Variants in ULK4 observed in about 807,000 individuals in gnomAD.
ULK4 encodes inactive serine/threonine-protein kinase ULK4.
Under a neutral mutation model 160.6 loss-of-function variants are expected in ULK4, and 133 were observed. The ratio of observed to expected loss-of-function variants is 0.83; its 90% confidence interval spans 0.72 to 0.96. The LOEUF (loss-of-function observed/expected upper bound fraction) is 0.96, where lower values mean the gene tolerates loss of function less well. Ranked by LOEUF, ULK4 falls within the 40% of genes least tolerant of loss-of-function variation. The pLI is 0.00. For missense variants in ULK4, 1,580 were observed against 1,499.5 expected (o/e 1.05, Z -0.89); for synonymous variants, 534 against 539.8 (o/e 0.99, Z 0.15).
At position 41,849,891 on chromosome 3, in the gene ULK4, A is replaced by C. The variant is rs541982416; in HGVS notation, c.1657-13920T>G. Among the ~76,000 whole-genome samples, 150 of 152,164 alleles carry C rather than the reference A, an allele frequency of 9.9e-4. 1 individual carries two copies. The highest frequency in any genetic ancestry group is 3.4e-3 in the African/African-American group (143 of 41,502). On this transcript the variant is annotated intron_variant, in intron 17 of 36. Coordinates refer to ENST00000301831, the MANE Select transcript of ULK4 (RefSeq NM_017886.4). Reference sequence around the variant, plus strand: ...GGTTTGTTACATATGTATACATGTGACATGTTGGTATGCTGCACCCATTAA... The same window carrying C: ...GGTTTGTTACATATGTATACATGTGCCATGTTGGTATGCTGCACCCATTAA...
chr3:41,936,553 T>C (rs1699780895), intron 3 of ULK4, among the ~76,000 whole-genome samples: 1 of 152,140 alleles, frequency 6.6e-6, no homozygotes, highest in African/African-American at 2.4e-5. Context: ...AAAGAAAATA[T>C]GATACATATA....
intron 35 of ULK4, among the ~76,000 whole-genome samples, chr3:41,261,074 G>A (rs898003526): frequency 1.3e-5 from 2 of 152,148 alleles, no homozygotes; most frequent in African/African-American, 2.4e-5. Context: ...GACAAACCGG[G>A]TAGGAGAGGG....
chr3:41,658,441 C>T (rs1286732194), intron 30 of ULK4, among the ~76,000 whole-genome samples: 2 of 152,158 alleles, frequency 1.3e-5, no homozygotes, highest in African/African-American at 4.8e-5. Context: ...TTTTGATAAG[C>T]AATTCCACGT....
chr3:41,763,764 AT>A (rs1477937547), intron 21 of ULK4, among the ~76,000 whole-genome samples: 2 of 152,238 alleles, frequency 1.3e-5, no homozygotes, highest in African/African-American at 4.8e-5. Flanking sequence ...ACCTAGCTTT[AT>A]TAGAGACTGT....
chr3:41,280,888 A>C (rs1025959875), intron 35 of ULK4, among the ~76,000 whole-genome samples: 5 of 152,212 alleles, frequency 3.3e-5, no homozygotes, highest in Admixed American at 3.3e-4. Context: ...TTTTGAAAAG[A>C]GCAACAAAAT....
At chr3:41,335,224 AGCTTAATTTAAATTAG>A (rs1442829396) in intron 35 of ULK4, among the ~76,000 whole-genome samples, 1 of 152,246 alleles carries the variant, frequency 6.6e-6, no homozygotes, top group Admixed American at 6.5e-5. Flanking sequence ...GTTTTAAATT[AGCTTAATTTAAATTAG>A]GCACTGAGCA....
intron 32 of ULK4, among the ~76,000 whole-genome samples, chr3:41,486,742 G>C (rs185174798): frequency 6.8e-4 from 103 of 152,218 alleles, no homozygotes; most frequent in African/African-American, 2.4e-3. Context: ...CAGAGGTTGT[G>C]GTTTGGCCTT....
At chr3:41,558,103 A>T (rs2087372189) in intron 32 of ULK4, among the ~76,000 whole-genome samples, 1 of 152,266 alleles carries the variant, frequency 6.6e-6, no homozygotes, top group Non-Finnish European at 1.5e-5. Context: ...AACAATTCCA[A>T]TTCCAGGAAT....
chr3:41,347,709 T>C (rs1304900698), intron 35 of ULK4, among the ~76,000 whole-genome samples: 3 of 152,140 alleles, frequency 2.0e-5, no homozygotes, highest in African/African-American at 7.2e-5. Flanking sequence ...CTCGCCATAG[T>C]GTCTCCAGAC....
At chr3:41,603,183 T>C (rs934250408) in intron 31 of ULK4, among the ~76,000 whole-genome samples, 1 of 151,830 alleles carries the variant, frequency 6.6e-6, no homozygotes, top group South Asian at 2.1e-4. Context: ...TATACTGATA[T>C]CAGAAAAAAT....
intron 3 of ULK4, among the ~76,000 whole-genome samples, chr3:41,936,640 T>A (rs1327621266): frequency 1.3e-5 from 2 of 152,208 alleles, no homozygotes; most frequent in Non-Finnish European, 2.9e-5. Context: ...GAGGTCATTA[T>A]GTTAAGTGAA....
chr3:41,526,066 C>T (rs1274206560), intron 32 of ULK4, among the ~76,000 whole-genome samples: 1 of 152,166 alleles, frequency 6.6e-6, no homozygotes, highest in African/African-American at 2.4e-5. Flanking sequence ...CCTAAGCTCC[C>T]CAGTTTGCTC....
Position 41,757,099 on chromosome 3 carries a change from T to A in ULK4, c.2194-2611A>T, listed in dbSNP as rs567584332. Among the ~76,000 whole-genome samples, 8 of 152,202 alleles carry A rather than the reference T, an allele frequency of 5.3e-5. No homozygotes were observed. In the South Asian group the frequency reaches 1.7e-3, roughly 32 times the overall value. ...GCACATTTTTTTAATAAAGGGTGAT[T>A]TTCTTGATATATAAATATCAATAAC... On this transcript the variant is annotated intron_variant, in intron 21 of 36. Transcript: ENST00000301831.
intron 1 of ULK4, among the ~76,000 whole-genome samples, chr3:41,961,566 C>T (rs1249480556): frequency 1.7e-5 from 2 of 120,228 alleles, no homozygotes; most frequent in African/African-American, 3.6e-5. Flanking sequence ...CCCCCCCCCC[C>T]CCCCGCTCCC....
intron 34 of ULK4, among the ~76,000 whole-genome samples, chr3:41,403,244 T>A (rs2082221791): frequency 6.6e-6 from 1 of 152,014 alleles, no homozygotes; most frequent in South Asian, 2.1e-4. Context: ...GGGCCCAGAG[T>A]TTGCTTTTTA....
chr3:41,290,274 G>A (rs767392290), intron 35 of ULK4, among the ~76,000 whole-genome samples: 9 of 152,120 alleles, frequency 5.9e-5, no homozygotes, highest in South Asian at 2.1e-4. Context: ...CTAAGTTTAC[G>A]GAAAGTTTGC....
At chr3:41,600,922 T>A (rs1289603763) in intron 31 of ULK4, among the ~76,000 whole-genome samples, 1 of 152,158 alleles carries the variant, frequency 6.6e-6, no homozygotes, top group African/African-American at 2.4e-5. Context: ...TAGCTCTAGT[T>A]GAGAAGACAA....
intron 32 of ULK4, among the ~76,000 whole-genome samples, chr3:41,496,537 G>C (rs1302679373): frequency 1.3e-5 from 2 of 152,006 alleles, no homozygotes; most frequent in Non-Finnish European, 2.9e-5. Context: ...TGAGAAGTAA[G>C]AGCTTGAAGT....
intron 4 of ULK4, 88 bp downstream of exon 4, chr3:41,935,713 A>C (rs1699755704): frequency 6.9e-7 from 1 of 1,457,046 alleles, no homozygotes; most frequent in Non-Finnish European, 9.2e-7. Flanking sequence ...TCTATACCAA[A>C]ATTTTATCCA....
Sources: allele counts gnomAD v4.1 joint callset (sites outside exome capture counted in the v4.1 genomes callset), GRCh38; gene constraint gnomAD v4.1.1; transcripts MANE v1.5; gene names NCBI Gene and HGNC (gene_info 2026-07-23, HGNC 2026-07-21).